PHF1: variants seen among roughly 807,000 people sequenced by gnomAD.
PHF1 encodes the protein PHD finger protein 1.
In PHF1, 16 loss-of-function variants were observed where a neutral mutation model predicts 69.4. That is an observed-to-expected ratio of 0.23 (90% CI 0.16 to 0.35). The LOEUF is 0.35. PHF1 is among the 10% of genes least tolerant of loss of function. The pLI is 1.00. For synonymous variants in PHF1, 274 were observed against 275.0 expected (o/e 1.00, Z 0.04); for missense variants, 515 against 732.8 (o/e 0.70, Z 3.43).
In PHF1 at chr6:33,416,385, A is replaced by T; in HGVS notation, c.*287A>T. 1 of 492,516 alleles carries T rather than the reference A, an allele frequency of 2.0e-6. No homozygotes were observed. The highest frequency in any genetic ancestry group is 3.0e-5 in the East Asian group (1 of 32,944). 30.5% of individuals were successfully genotyped at this position (492,516 alleles called of 1,614,324 possible). ...CCCTGGGGGCAGAGACTGAGGAGGGAGGATGATAAGGGATCCCGGACTCTG... is the reference window on the plus strand; with the variant it reads ...CCCTGGGGGCAGAGACTGAGGAGGGTGGATGATAAGGGATCCCGGACTCTG... On this transcript the variant is annotated 3_prime_UTR_variant, in exon 15 of 15. Transcript: ENST00000374516.
In PHF1 at chr6:33,414,212, C is replaced by T. The variant is rs1308339147; in HGVS notation, c.753-31C>T. On this transcript the variant is annotated intron_variant, in intron 8 of 14. Coordinates refer to ENST00000374516, the MANE Select transcript of PHF1 (RefSeq NM_024165.3). This position sits in a 1 kb window ranked among gnomAD's most constrained non-coding sequence, Gnocchi z 5.0. ...AGGACTCCCCTGGCTCTTAAAATGC[C>T]TCTGTGGTCTTGAAAACTTTGTTTT... The T allele has an allele frequency of 1.1e-5, 18 of 1,614,084 alleles. No homozygotes were observed. The highest frequency in any genetic ancestry group is 1.4e-5 in the Non-Finnish European group (16 of 1,180,000).
rs1776292687 is a variant in PHF1 at position 33,414,525 on chromosome 6, C to T, written c.925C>T (p.Leu309Phe). ...GERSSRLLSA[L>F]NSHKDRFISG... is the part of the protein sequence containing the mutation. ...ACGTTCTTCCAGGCTCCTCTCTGCT[C>T]TTAACAGCCACAAGGACCGGTGAGT... The change falls in exon 10 of 15, where the codon CTT becomes TTT. Residue 309 changes from leucine (L) to phenylalanine (F), a missense_variant. Leu to Phe is a conservative substitution (Grantham distance 22). This residue lies in a region of PHF1 where 142 missense variants were observed against 309.7 expected (regional missense o/e 0.46). Coordinates refer to ENST00000374516, the MANE Select transcript of PHF1 (RefSeq NM_024165.3). The surrounding 1 kb of genome is among the most constrained non-coding windows in gnomAD (Gnocchi z 5.0). The T allele has an allele frequency of 1.9e-6, 3 of 1,613,778 alleles. No individual in the cohort carries two copies. Among genetic ancestry groups the T allele is most frequent in the African/African-American group, 2.7e-5 (2 of 74,890 alleles).
rs1776142175 is a variant in PHF1, at chr6:33,412,432, T to C, written c.159+10T>C. ...GGGTACCATCAAAAAGGTAAGACCT[T>C]CTACCTCTGACCTTCTTCCTAGTTC... On this transcript the variant is annotated intron_variant, in intron 2 of 14. Coordinates refer to ENST00000374516, the MANE Select transcript of PHF1 (RefSeq NM_024165.3). The surrounding 1 kb of genome is among the most constrained non-coding windows in gnomAD (Gnocchi z 4.2). The C allele has an allele frequency of 6.2e-7, 1 of 1,614,230 alleles. No homozygotes were observed. The highest frequency in any genetic ancestry group is 8.5e-7 in the Non-Finnish European group (1 of 1,180,020).
At chr6:33,413,014 T>C (rs1251759776) in intron 4 of PHF1, 182 bp from the exon 5 acceptor site, 6 of 701,744 alleles carry the variant, frequency 8.6e-6, no homozygotes, top group East Asian at 2.6e-5. Context: ...TTTCTAACCA[T>C]ATGACCTCGG....
chr6:33,416,037 G>C lies in PHF1; in HGVS notation c.1643G>C (p.Arg548Thr). ...RGDPVRVLAR[R>T]VRPDGSVQYL... ...GACCCTGTCCGGGTCCTTGCTCGGA[G>C]AGTACGGCCTGATGGCTCTGTGCAG... The change falls in exon 15 of 15, where the codon AGA becomes ACA. Residue 548 changes from arginine (R) to threonine (T), a missense_variant. Physicochemically the swap from Arg to Thr is moderately conservative, Grantham distance 71. Coordinates refer to ENST00000374516, the MANE Select transcript of PHF1 (RefSeq NM_024165.3). The C allele has an allele frequency of 1.9e-6, 3 of 1,610,444 alleles. No individual in the cohort carries two copies. The highest frequency in any genetic ancestry group is 2.5e-6 in the Non-Finnish European group (3 of 1,177,744).
intron 12 of PHF1, 23 bp downstream of exon 12, chr6:33,415,167 A>G (rs763689278): frequency 3.1e-6 from 5 of 1,613,576 alleles, no homozygotes; most frequent in East Asian, 2.2e-5. Context: ...GGGGAACCCG[A>G]TGGAGCAAAT....
Position 33,415,162 on chromosome 6 carries a change from A to T in PHF1, c.1239+18A>T, listed in dbSNP as rs1258816296. On this transcript the variant is annotated intron_variant, in intron 12 of 14. Transcript: ENST00000374516. ...CACTGCAGGTACTGGAGCAGGGGGA[A>T]CCCGATGGAGCAAATGGTGGGGTGT... 1.2e-6 allele frequency: 2 copies of T among 1,613,610 alleles called. No individual in the cohort carries two copies. Among genetic ancestry groups the T allele is most frequent in the Non-Finnish European group, 8.5e-7 (1 of 1,179,690 alleles).
At position 33,416,171 on chromosome 6, in the gene PHF1, C is replaced by G; in HGVS notation, c.*73C>G. 7.6e-7 allele frequency: 1 copy of G among 1,311,218 alleles called. No individual in the cohort carries two copies. The highest frequency in any genetic ancestry group is 1.0e-6 in the Non-Finnish European group (1 of 968,580). 81.2% of individuals were successfully genotyped at this position (1,311,218 alleles called of 1,614,324 possible). On this transcript the variant is annotated 3_prime_UTR_variant, in exon 15 of 15. Transcript: ENST00000374516. ...ATACCCTGACCTCTGACCTCACCTA[C>G]AGCTGGGATGTACCTGGAGAGATAG... is the stretch of plus-strand genomic sequence containing the variant.
Position 33,416,256 on chromosome 6 carries a change from C to G in PHF1, c.*158C>G, listed in dbSNP as rs972502398. On this transcript the variant is annotated 3_prime_UTR_variant, in exon 15 of 15. Coordinates refer to ENST00000374516, the MANE Select transcript of PHF1 (RefSeq NM_024165.3). ...AAGAGTGGGGAGTGGGGAAGAGGCC[C>G]TCTTCTCTACCCTCCTTCATGATTC... The G allele has an allele frequency of 7.4e-6, 4 of 542,034 alleles. No homozygotes were observed. Among genetic ancestry groups the G allele is most frequent in the Admixed American group, 7.2e-5 (2 of 27,646 alleles). 33.6% of individuals were successfully genotyped at this position (542,034 alleles called of 1,614,324 possible).
rs1776228434 is a variant in PHF1 at position 33,413,509 on chromosome 6, A to G, written c.539A>G (p.His180Arg). Residue 180 changes from histidine (H) to arginine (R), a missense_variant, in exon 6 of 15, where the codon CAT becomes CGT. Physicochemically the swap from His to Arg is conservative, Grantham distance 29. This residue lies in a region of PHF1 where 142 missense variants were observed against 309.7 expected (regional missense o/e 0.46). Transcript: ENST00000374516. Reference protein sequence around the residue: ...GLKGLDWDAGHLSNRQQSYCY... With the variant: ...GLKGLDWDAGRLSNRQQSYCY... Reference sequence around the variant, plus strand: ...AAGGGGCTGGACTGGGATGCTGGACATCTGAGCAACCGACAGCAGAGTTAC... The same window carrying G: ...AAGGGGCTGGACTGGGATGCTGGACGTCTGAGCAACCGACAGCAGAGTTAC... The G allele has an allele frequency of 6.2e-7, 1 of 1,614,078 alleles. No homozygotes were observed. The highest frequency in any genetic ancestry group is 1.3e-5 in the African/African-American group (1 of 74,914).
chr6:33,414,779 T>A lies in PHF1; in HGVS notation c.999T>A (p.Ala333=). 6.2e-7 allele frequency: 1 copy of A among 1,613,962 alleles called. No individual in the cohort carries two copies. The highest frequency in any genetic ancestry group is 8.5e-7 in the Non-Finnish European group (1 of 1,179,928). ...KKRKCLFGLH[A]RMPPPVEPPT... is the part of the protein sequence containing the mutation. Reference sequence around the variant, plus strand: ...GGAAATGTTTGTTTGGTCTCCATGCTCGGATGCCTCCCCCTGTGGAGCCCC... The same window carrying A: ...GGAAATGTTTGTTTGGTCTCCATGCACGGATGCCTCCCCCTGTGGAGCCCC... Residue 333 remains alanine, a synonymous_variant, in exon 11 of 15, where the codon GCT becomes GCA. Coordinates refer to ENST00000374516, the MANE Select transcript of PHF1 (RefSeq NM_024165.3). This position sits in a 1 kb window ranked among gnomAD's most constrained non-coding sequence, Gnocchi z 5.0.
rs747251422 is a variant in PHF1, at chr6:33,415,225, C to T, written c.1240-10C>T. 2 of 1,613,426 alleles carry T rather than the reference C, an allele frequency of 1.2e-6. No homozygotes were observed. Among genetic ancestry groups the T allele is most frequent in the Non-Finnish European group, 1.7e-6 (2 of 1,179,442 alleles). On this transcript the variant is annotated splice_polypyrimidine_tract_variant and intron_variant, in intron 12 of 14. Coordinates refer to ENST00000374516, the MANE Select transcript of PHF1 (RefSeq NM_024165.3). ...AGGATTATCTCTCAGTCCTTTGCCC[C>T]CTCTTCTAGGCCTCAGTGTCTCCAC... is the stretch of plus-strand genomic sequence containing the variant.
Position 33,412,606 on chromosome 6 carries a change from C to CTGAGAT in PHF1, c.241+20_241+25dup. ...TTAGCCCTGGTAAGACTCTAGAGAC[C>CTGAGAT]TGAGATTGCACATCCCATGGAAAAC... On this transcript the variant is annotated intron_variant, in intron 3 of 14. Coordinates refer to ENST00000374516, the MANE Select transcript of PHF1 (RefSeq NM_024165.3). The surrounding 1 kb of genome is among the most constrained non-coding windows in gnomAD (Gnocchi z 4.2). 6.2e-7 allele frequency: 1 copy of CTGAGAT among 1,613,682 alleles called. No individual in the cohort carries two copies. Among genetic ancestry groups the CTGAGAT allele is most frequent in the Non-Finnish European group, 8.5e-7 (1 of 1,179,566 alleles).
At position 33,414,407 on chromosome 6, in the gene PHF1, G is replaced by A. The variant is rs1776286496; in HGVS notation, c.876+41G>A. 1.9e-6 allele frequency: 3 copies of A among 1,613,790 alleles called. No individual in the cohort carries two copies. The highest frequency in any genetic ancestry group is 2.2e-5 in the South Asian group (2 of 91,076). On this transcript the variant is annotated intron_variant, in intron 9 of 14. Transcript: ENST00000374516. The surrounding 1 kb of genome is among the most constrained non-coding windows in gnomAD (Gnocchi z 5.0). ...GTTTTGGGGGTTGGGATGGGACAGG[G>A]AGATGTAGCGGAAAGGGGAAGAGAA...
rs200870071 is a variant in PHF1 at position 33,414,349 on chromosome 6, A to G, written c.859A>G (p.Ser287Gly). 10 of 1,614,040 alleles carry G rather than the reference A, an allele frequency of 6.2e-6. No individual in the cohort carries two copies. The highest frequency in any genetic ancestry group is 8.5e-6 in the Non-Finnish European group (10 of 1,180,000). Residue 287 changes from serine (S) to glycine (G), a missense_variant, in exon 9 of 15, where the codon AGT becomes GGT. Ser to Gly is a moderately conservative substitution (Grantham distance 56). Transcript: ENST00000374516. This position sits in a 1 kb window ranked among gnomAD's most constrained non-coding sequence, Gnocchi z 5.0. ...ILPFTSENWD[S>G]LLLGELSDTP... ...CCCCTTCACTTCTGAGAATTGGGAC[A>G]GTTTGCTCCTGGGGGAGGTAAGGGG...
In PHF1 at chr6:33,416,012, G is replaced by A. The variant is rs1168019564; in HGVS notation, c.1618G>A (p.Asp540Asn). ...RGGVGYLSRG[D>N]PVRVLARRVR... ...TGGGGTTGGTTACCTGTCCCGAGGGGACCCTGTCCGGGTCCTTGCTCGGAG... is the reference window on the plus strand; with the variant it reads ...TGGGGTTGGTTACCTGTCCCGAGGGAACCCTGTCCGGGTCCTTGCTCGGAG... Residue 540 changes from aspartate (D) to asparagine (N), a missense_variant, in exon 15 of 15, where the codon GAC becomes AAC. Asp to Asn is a conservative substitution (Grantham distance 23). Transcript: ENST00000374516. 11 of 1,613,394 alleles carry A rather than the reference G, an allele frequency of 6.8e-6. No homozygotes were observed. In the Admixed American group the frequency reaches 1.8e-4, roughly 27 times the overall value.
At chr6:33,410,638 C>T (rs1479736993), upstream of PHF1, 1 of 58,142 alleles carries the variant, frequency 1.7e-5, no homozygotes, top group Admixed American at 1.9e-4. Flanking sequence ...GAGGGCGGGG[C>T]TGTGAACTGG....
In PHF1 at chr6:33,415,067, G is replaced by C; in HGVS notation, c.1162G>C (p.Gly388Arg). The C allele has an allele frequency of 6.2e-7, 1 of 1,610,108 alleles. No homozygotes were observed. Among genetic ancestry groups the C allele is most frequent in the Non-Finnish European group, 8.5e-7 (1 of 1,178,262 alleles). ...GCAGAAGGGGAAAGTGGAGGAGCTG[G>C]GGCCACCCTCAGCAGTGCGCAATCA... The part of the protein sequence containing the change: ...RRQKGKVEEL[G>R]PPSAVRNQPE... Residue 388 changes from glycine (G) to arginine (R), a missense_variant, in exon 12 of 15, where the codon GGG becomes CGG. Gly to Arg is a moderately radical substitution (Grantham distance 125). Transcript: ENST00000374516.
Position 33,415,646 on chromosome 6 carries a change from C to T in PHF1, c.1391C>T (p.Ser464Phe), listed in dbSNP as rs1581952410. The T allele has an allele frequency of 3.1e-6, 5 of 1,614,106 alleles. No individual in the cohort carries two copies. Among genetic ancestry groups the T allele is most frequent in the Non-Finnish European group, 4.2e-6 (5 of 1,179,968 alleles). Residue 464 changes from serine to phenylalanine, a missense_variant, in exon 14 of 15, where the codon TCT becomes TTT. Ser to Phe is a radical substitution (Grantham distance 155). Around this residue, in one of 5 missense-constraint regions of PHF1, gnomAD observed 274 missense variants for 304.5 expected, o/e 0.90. Coordinates refer to ENST00000374516, the MANE Select transcript of PHF1 (RefSeq NM_024165.3). ...CCTTCTGCCAGCACCGCAGGGACCTCTGGGGACAGTGGACCCCCAGACAGG... is the reference window on the plus strand; with the variant it reads ...CCTTCTGCCAGCACCGCAGGGACCTTTGGGGACAGTGGACCCCCAGACAGG... ...FHPSASTAGT[S>F]GDSGPPDRSP...
Sources: gnomAD v4.1 joint callset for allele counts on GRCh38, gnomAD v4.1.1 for gene constraint, gnomAD v4.1.1 regional missense constraint, Gnocchi (gnomAD v3.1) non-coding constraint, MANE v1.5 for transcripts, NCBI Gene and HGNC (gene_info 2026-07-23, HGNC 2026-07-21) for gene names.